USP6NL: variants seen among roughly 807,000 people sequenced by gnomAD.
USP6NL encodes USP6 N-terminal-like protein.
A neutral mutation model predicts 61.9 loss-of-function variants in USP6NL; 26 were observed. That is an observed-to-expected ratio of 0.42 (90% confidence interval 0.31 to 0.58). The LOEUF (loss-of-function observed/expected upper bound fraction) is 0.58. Ranked by LOEUF, USP6NL falls within the 20% of genes least tolerant of loss-of-function variation. The pLI is 0.16. For synonymous variants in USP6NL, 432 were observed against 390.1 expected (o/e 1.11, Z -1.27); for missense variants, 1,114 against 1,034.3 (o/e 1.08, Z -1.06).
At chr10:11,555,432 AAAT>A (rs1203268414) in intron 2 of USP6NL, among the ~76,000 whole-genome samples, 23 of 74,822 alleles carry the variant, frequency 3.1e-4, no homozygotes, top group Admixed American at 1.1e-3. Context: ...AAAAAAAAAA[AAAT>A]ATATATATAT....
In USP6NL at chr10:11,487,925, A is replaced by G. The variant is rs1833539528; in HGVS notation, c.664+1177T>C. ...TAAAACAGTACTTTAAATATATAGC[A>G]GGTTCCTCACCACACAAAGCTTATT... On this transcript the variant is annotated intron_variant, in intron 10 of 14. Coordinates refer to ENST00000609104, the MANE Select transcript of USP6NL (RefSeq NM_014688.5). This position sits in a 1 kb window ranked among gnomAD's most constrained non-coding sequence, Gnocchi z 4.2. 6.6e-6 allele frequency among the ~76,000 whole-genome samples: 1 copy of G among 152,252 alleles called. No homozygotes were observed. The highest frequency in any genetic ancestry group is 6.5e-5 in the Admixed American group (1 of 15,288).
chr10:11,601,805 C>T (rs1267556578), intron 1 of USP6NL, among the ~76,000 whole-genome samples: 1 of 152,104 alleles, frequency 6.6e-6, no homozygotes, highest in East Asian at 1.9e-4. Flanking sequence ...ACATTATCTA[C>T]GTGGAGAAGG....
intron 5 of USP6NL, among the ~76,000 whole-genome samples, chr10:11,516,471 A>T (rs1834962634): frequency 1.3e-5 from 2 of 152,244 alleles, no homozygotes. Context: ...ACCACAGAAC[A>T]CAAGAACTTA....
intron 2 of USP6NL, among the ~76,000 whole-genome samples, chr10:11,572,491 T>C (rs1430826434): frequency 6.9e-6 from 1 of 144,290 alleles, no homozygotes; most frequent in East Asian, 2.0e-4. Context: ...CAAAATGAAA[T>C]AAAAAAAAAA....
chr10:11,524,610 C>CA (rs1419639775), intron 4 of USP6NL, among the ~76,000 whole-genome samples: 2 of 152,016 alleles, frequency 1.3e-5, no homozygotes, highest in African/African-American at 2.4e-5. Flanking sequence ...GTGAACTATA[C>CA]AAAAAACGAA....
intron 2 of USP6NL, among the ~76,000 whole-genome samples, chr10:11,533,611 G>A (rs1835735054): frequency 6.6e-6 from 1 of 152,132 alleles, no homozygotes; most frequent in Non-Finnish European, 1.5e-5. Context: ...AGCCTTTAGA[G>A]CAAGAAAAGG....
At position 11,485,193 on chromosome 10, in the gene USP6NL, C is replaced by A. The variant is rs1833405910; in HGVS notation, c.801G>T (p.Trp267Cys). The A allele has an allele frequency of 6.5e-7, 1 of 1,536,580 alleles. No individual in the cohort carries two copies. The highest frequency in any genetic ancestry group is 8.7e-7 in the Non-Finnish European group (1 of 1,143,944). ...EIYTSFYTMKWFFQCFLDRTP... is the reference protein window; with the variant it reads ...EIYTSFYTMKCFFQCFLDRTP... ...CACGATCAAGGAAACACTGAAAAAA[C>A]CATTTCATTGTGTAAAAACTTGTGT... The change falls in exon 12 of 15, where the codon TGG (tryptophan) becomes TGT (cysteine). Residue 267 changes from tryptophan (W) to cysteine (C), a missense_variant. Trp to Cys is a radical substitution (Grantham distance 215). Transcript: ENST00000609104. The surrounding 1 kb of genome is among the most constrained non-coding windows in gnomAD (Gnocchi z 4.8).
At position 11,496,727 on chromosome 10, in the gene USP6NL, C is replaced by T. The variant is rs1833944561; in HGVS notation, c.385-3499G>A. On this transcript the variant is annotated intron_variant, in intron 7 of 14. Transcript: ENST00000609104. This position sits in a 1 kb window ranked among gnomAD's most constrained non-coding sequence, Gnocchi z 5.4. ...AATATACATAAAAACATAACTGTTCCCGACTTCAGCTAAAAGTGGAAAGAA... is the reference window on the plus strand; with the variant it reads ...AATATACATAAAAACATAACTGTTCTCGACTTCAGCTAAAAGTGGAAAGAA... Among the ~76,000 whole-genome samples, 1 of 152,016 alleles carries T rather than the reference C, an allele frequency of 6.6e-6. No individual in the cohort carries two copies. The highest frequency in any genetic ancestry group is 1.5e-5 in the Non-Finnish European group (1 of 68,008).
chr10:11,479,773 C>T (rs1164664006), intron 14 of USP6NL, among the ~76,000 whole-genome samples: 2 of 152,030 alleles, frequency 1.3e-5, no homozygotes, highest in African/African-American at 4.8e-5. Flanking sequence ...AACGGGGTTT[C>T]ACCGTGTTAG....
At chr10:11,554,130 G>A (rs1836593780) in intron 2 of USP6NL, among the ~76,000 whole-genome samples, 1 of 152,164 alleles carries the variant, frequency 6.6e-6, no homozygotes, top group Non-Finnish European at 1.5e-5. Flanking sequence ...CAGACAGAAG[G>A]AGTGAAGGAA....
At chr10:11,547,896 G>A (rs1836344601) in intron 2 of USP6NL, among the ~76,000 whole-genome samples, 1 of 152,102 alleles carries the variant, frequency 6.6e-6, no homozygotes, top group African/African-American at 2.4e-5. Flanking sequence ...AAGTCTTGAG[G>A]ACAAAACGGA....
intron 5 of USP6NL, among the ~76,000 whole-genome samples, chr10:11,517,098 C>T (rs1834989669): frequency 6.6e-6 from 1 of 152,152 alleles, no homozygotes; most frequent in Non-Finnish European, 1.5e-5. Context: ...TTAAAGATAT[C>T]TTCCAACTCT....
rs1451977119 is a variant in USP6NL, at chr10:11,555,467, GAGAA to G, written c.5-27904_5-27901del. On this transcript the variant is annotated intron_variant, in intron 2 of 14. Transcript: ENST00000609104. ...ATATATATATAGAGAGAGAGAGAGAGAGAAAGAGAGAGAGAGAGAGAGAGAGAAG... is the reference window on the plus strand; with the variant it reads ...ATATATATATAGAGAGAGAGAGAGAGAGAGAGAGAGAGAGAGAGAGAGAAG... Among the ~76,000 whole-genome samples the G allele has an allele frequency of 8.7e-3, 773 of 89,050 alleles. 14 individuals are homozygous for G. The highest frequency in any genetic ancestry group is 0.025 in the Middle Eastern group (5 of 198). 58.4% of individuals were successfully genotyped at this position (89,050 alleles called of 152,430 possible).
At chr10:11,579,279 T>C (rs866724191) in intron 2 of USP6NL, among the ~76,000 whole-genome samples, 1 of 152,220 alleles carries the variant, frequency 6.6e-6, no homozygotes. Context: ...GAATACCATA[T>C]GGAAAAATCT....
chr10:11,569,098 C>T (rs1187369770), intron 2 of USP6NL, among the ~76,000 whole-genome samples: 1 of 152,160 alleles, frequency 6.6e-6, no homozygotes, highest in African/African-American at 2.4e-5. Context: ...TAAAGAACTA[C>T]AAACCTACAA....
rs770618134 is a variant in USP6NL, at chr10:11,489,218, A to G, written c.548T>C (p.Val183Ala). The change falls in exon 10 of 15, where the codon GTC (valine) becomes GCC (alanine). Residue 183 changes from valine to alanine, a missense_variant. Val to Ala is a moderately conservative substitution (Grantham distance 64). Transcript: ENST00000609104. This position sits in a 1 kb window ranked among gnomAD's most constrained non-coding sequence, Gnocchi z 5.7. ...LAAYSIYNTE[V>A]GYCQGMSQIT... ...CTGGCTCATCCCCTGACAATACCCGACTTCCTGGGGAGCAAAGGGGAACAC... is the reference window on the plus strand; with the variant it reads ...CTGGCTCATCCCCTGACAATACCCGGCTTCCTGGGGAGCAAAGGGGAACAC... 1 of 1,613,774 alleles carries G rather than the reference A, an allele frequency of 6.2e-7. No individual in the cohort carries two copies. Among genetic ancestry groups the G allele is most frequent in the Admixed American group, 1.7e-5 (1 of 60,028 alleles).
Position 11,463,527 on chromosome 10 carries a change from T to C in USP6NL, c.1401A>G (p.Ala467=). 1 of 1,614,078 alleles carries C rather than the reference T, an allele frequency of 6.2e-7. No individual in the cohort carries two copies. The highest frequency in any genetic ancestry group is 8.5e-7 in the Non-Finnish European group (1 of 1,179,902). ...TGGCGTTGCTATTTTGGTTGGCAGCTGCGTGATTATATTGCCTGGAACTGT... is the reference window on the plus strand; with the variant it reads ...TGGCGTTGCTATTTTGGTTGGCAGCCGCGTGATTATATTGCCTGGAACTGT... ...PQDSSRQYNH[A]AANQNSNATS... Residue 467 remains alanine (A), a synonymous_variant, in exon 15 of 15, where the codon GCA becomes GCG. Coordinates refer to ENST00000609104, the MANE Select transcript of USP6NL (RefSeq NM_014688.5). This position sits in a 1 kb window ranked among gnomAD's most constrained non-coding sequence, Gnocchi z 6.3.
intron 14 of USP6NL, among the ~76,000 whole-genome samples, chr10:11,466,621 A>G (rs1832464120): frequency 6.6e-6 from 1 of 152,224 alleles, no homozygotes; most frequent in South Asian, 2.1e-4. Flanking sequence ...GGTAGTTGCT[A>G]TTACTCTATA....
At position 11,597,619 on chromosome 10, in the gene USP6NL, C is replaced by G. The variant is rs773319443; in HGVS notation, c.4+12G>C. On this transcript the variant is annotated intron_variant, in intron 2 of 14. Coordinates refer to ENST00000609104, the MANE Select transcript of USP6NL (RefSeq NM_014688.5). This position sits in a 1 kb window ranked among gnomAD's most constrained non-coding sequence, Gnocchi z 4.6. ...CTGAGATGGCTGGAAGGAAAGGAAG[C>G]AGCGCACTTACTCATGACTGGAAAT... is the stretch of plus-strand genomic sequence containing the variant. The G allele has an allele frequency of 1.3e-6, 2 of 1,551,554 alleles. No individual in the cohort carries two copies. The highest frequency in any genetic ancestry group is 1.7e-6 in the Non-Finnish European group (2 of 1,146,866).
Sources: gnomAD v4.1 joint callset for allele counts (sites outside exome capture counted in the v4.1 genomes callset) on GRCh38, gnomAD v4.1.1 for gene constraint, Gnocchi (gnomAD v3.1) non-coding constraint, MANE v1.5 for transcripts, NCBI Gene and HGNC (gene_info 2026-07-23, HGNC 2026-07-21) for gene names.